Variants in GPM6A observed in about 807,000 individuals in gnomAD.
GPM6A encodes neuronal membrane glycoprotein M6-a.
In GPM6A, 7 loss-of-function variants were observed where a neutral mutation model predicts 32.1. That is an observed-to-expected ratio of 0.22 (90% CI 0.12 to 0.41). The LOEUF (loss-of-function observed/expected upper bound fraction) is 0.41, where lower values mean the gene tolerates loss of function less well. GPM6A is among the 10% of genes least tolerant of loss of function. GPM6A has a pLI of 1.00. For missense variants in GPM6A, 235 were observed against 347.2 expected, an observed-to-expected ratio of 0.68 and a Z score of 2.57; for synonymous variants, 130 against 123.4, an observed-to-expected ratio of 1.05 and a Z score of -0.35.
At chr4:175,743,594 G>T (rs1375670902) in intron 1 of GPM6A, among the ~76,000 whole-genome samples, 5 of 151,772 alleles carry the variant, frequency 3.3e-5, no homozygotes, top group African/African-American at 1.2e-4. Flanking sequence ...AAAGACAAAT[G>T]TGTCTGAAAT....
At chr4:175,703,691 A>G (rs760109484) in intron 1 of GPM6A, among the ~76,000 whole-genome samples, 2 of 152,254 alleles carry the variant, frequency 1.3e-5, no homozygotes, top group Non-Finnish European at 2.9e-5. Context: ...TAAGAAATTA[A>G]CTAGAAATGC....
chr4:175,936,692 T>C (rs940467479), intron 1 of GPM6A, among the ~76,000 whole-genome samples: 8 of 151,838 alleles, frequency 5.3e-5, no homozygotes, highest in Non-Finnish European at 7.4e-5. Context: ...TTTTTAAAAA[T>C]TGAAGAAAAA....
intron 1 of GPM6A, among the ~76,000 whole-genome samples, chr4:175,824,532 C>A (rs1039808876): frequency 2.0e-5 from 3 of 152,102 alleles, no homozygotes; most frequent in Admixed American, 6.6e-5. Context: ...AGATATCATA[C>A]ATTTTTTATT....
intron 3 of GPM6A, among the ~76,000 whole-genome samples, chr4:175,667,262 A>T (rs1742800672): frequency 6.6e-6 from 1 of 152,110 alleles, no homozygotes; most frequent in African/African-American, 2.4e-5. Context: ...CCTTGATATG[A>T]TGTGATGAGA....
intron 2 of GPM6A, among the ~76,000 whole-genome samples, chr4:175,694,499 A>G (rs1009781986): frequency 6.6e-6 from 1 of 152,206 alleles, no homozygotes; most frequent in Non-Finnish European, 1.5e-5. Flanking sequence ...GGTTGGCCAC[A>G]TTATGTCTCT....
intron 1 of GPM6A, among the ~76,000 whole-genome samples, chr4:175,739,032 T>C (rs1731775955): frequency 6.6e-6 from 1 of 152,222 alleles, no homozygotes. Flanking sequence ...GGTCATATCA[T>C]GTTCTAAGAA....
chr4:175,849,855 C>T (rs920306784), intron 1 of GPM6A, among the ~76,000 whole-genome samples: 4 of 151,886 alleles, frequency 2.6e-5, no homozygotes, highest in African/African-American at 9.7e-5. Flanking sequence ...GATATTATCT[C>T]ATTTGAGTCT....
At chr4:175,857,061 T>C (rs1240648977) in intron 1 of GPM6A, among the ~76,000 whole-genome samples, 6 of 152,210 alleles carry the variant, frequency 3.9e-5, no homozygotes, top group Admixed American at 2.6e-4. Context: ...TCAATACTTA[T>C]GTAAGATGCT....
At position 175,931,489 on chromosome 4, in the gene GPM6A, T is replaced by G. The variant is rs892154076; in HGVS notation, c.-23+70820A>C. Among the ~76,000 whole-genome samples the G allele has an allele frequency of 4.6e-5, 7 of 152,062 alleles. No individual in the cohort carries two copies. The East Asian group carries it at 5.8e-4, about 13-fold the overall frequency. Reference sequence around the variant, plus strand: ...GTACTTTTCTCTCTATATTTTACTATTAGTTGAATCCAGGAGAAAACAAAA... The same window carrying G: ...GTACTTTTCTCTCTATATTTTACTAGTAGTTGAATCCAGGAGAAAACAAAA... On this transcript the variant is annotated intron_variant, in intron 1 of 7. Coordinates refer to the GPM6A transcript ENST00000280187.
intron 2 of GPM6A, among the ~76,000 whole-genome samples, chr4:175,688,859 G>A (rs1744137737): frequency 6.6e-6 from 1 of 151,774 alleles, no homozygotes; most frequent in Admixed American, 6.6e-5. Flanking sequence ...TTGTTTGTTG[G>A]TTTGTTTTTT....
chr4:175,999,804 C>T (rs528545842), intron 1 of GPM6A, among the ~76,000 whole-genome samples: 1 of 152,290 alleles, frequency 6.6e-6, no homozygotes, highest in South Asian at 2.1e-4. Context: ...CCAGCATTCT[C>T]CTACGCTGTT....
At chr4:175,712,608 T>C (rs955001028) in intron 1 of GPM6A, among the ~76,000 whole-genome samples, 3 of 152,228 alleles carry the variant, frequency 2.0e-5, no homozygotes, top group Non-Finnish European at 2.9e-5. Flanking sequence ...CCTGACTTTC[T>C]CTTATCCTAA....
chr4:175,663,845 C>A (rs1383619715), intron 3 of GPM6A, among the ~76,000 whole-genome samples: 4 of 151,972 alleles, frequency 2.6e-5, no homozygotes, highest in African/African-American at 9.7e-5. Context: ...AGGCGCCCGC[C>A]ACTACGCCCG....
intron 1 of GPM6A, among the ~76,000 whole-genome samples, chr4:175,810,034 C>A (rs927593821): frequency 6.6e-6 from 1 of 152,094 alleles, no homozygotes; most frequent in African/African-American, 2.4e-5. Flanking sequence ...TTAAGAAAAT[C>A]CTATGCAGTT....
intron 1 of GPM6A, among the ~76,000 whole-genome samples, chr4:176,002,147 G>C (rs1018590725): frequency 6.7e-6 from 1 of 149,652 alleles, no homozygotes; most frequent in Admixed American, 6.6e-5. Context: ...AGAAAAAAAA[G>C]TCCGGAGACA....
intron 1 of GPM6A, among the ~76,000 whole-genome samples, chr4:175,879,805 A>T (rs1433762624): frequency 6.6e-6 from 1 of 152,204 alleles, no homozygotes; most frequent in Non-Finnish European, 1.5e-5. Flanking sequence ...ATTTGGTTAG[A>T]AAAGAATGTT....
intron 1 of GPM6A, among the ~76,000 whole-genome samples, chr4:175,959,429 C>A (rs1341451652): frequency 1.3e-5 from 2 of 152,052 alleles, no homozygotes; most frequent in Non-Finnish European, 2.9e-5. Flanking sequence ...CACGTACACA[C>A]ATGCACACAC....
intron 2 of GPM6A, among the ~76,000 whole-genome samples, chr4:175,693,214 G>A (rs1480506783): frequency 1.3e-5 from 2 of 150,460 alleles, no homozygotes; most frequent in Non-Finnish European, 3.0e-5. Context: ...TTCTGAATGA[G>A]TACATTCATT....
At chr4:175,667,837 T>C (rs1467357949) in intron 3 of GPM6A, among the ~76,000 whole-genome samples, 1 of 152,126 alleles carries the variant, frequency 6.6e-6, no homozygotes, top group Non-Finnish European at 1.5e-5. Context: ...CCAAAGAGTA[T>C]ATATCATGAC....
Sources: allele counts gnomAD v4.1 joint callset (sites outside exome capture counted in the v4.1 genomes callset), GRCh38; gene constraint gnomAD v4.1.1; transcripts MANE v1.5; gene names NCBI Gene and HGNC (gene_info 2026-07-23, HGNC 2026-07-21).